RPTN: variants seen among roughly 807,000 people sequenced by gnomAD.
RPTN encodes the protein intermediate filament-associated protein.
A neutral mutation model predicts 3.6 loss-of-function variants in RPTN; 4 were observed. That is an observed-to-expected ratio of 1.12 (90% confidence interval 0.55 to 2.55). The LOEUF is 2.55. RPTN is among the 30% of genes most tolerant of loss of function. The pLI is 0.02. For missense variants in RPTN, 860 were observed against 916.7 expected (o/e 0.94, Z 0.80); for synonymous variants, 293 against 319.3 (o/e 0.92, Z 0.88).
chr1:152,157,665 C>G, intron 2 of RPTN, 87 bp downstream of exon 2: 1 of 1,476,208 alleles, frequency 6.8e-7, no homozygotes, highest in Non-Finnish European at 9.3e-7. Flanking sequence ...CAGAGCAAGC[C>G]CAAATAAAAC....
At chr1:152,157,091 G>C (rs1659221045) in intron 2 of RPTN, 131 bp from the exon 3 acceptor site, 2 of 768,514 alleles carry the variant, frequency 2.6e-6, no homozygotes, top group Admixed American at 5.3e-5. Context: ...TTAATCTGAA[G>C]TGGTGTGGAC....
chr1:152,154,946 C>T lies in RPTN; in HGVS notation c.2153G>A (p.Ser718Asn), dbSNP rs1659161984. ...ACATGGACCTTCCTGACTCTCATGG[C>T]TGTGTCTATCCCAAGTTTGATGGCC... Reference protein sequence around the residue: ...EQGHQTWDRHSHESQEGPCGT... With the variant: ...EQGHQTWDRHNHESQEGPCGT... Residue 718 changes from serine (S) to asparagine (N), a missense_variant, in exon 3 of 3, where the codon AGC becomes AAC. Transcript: ENST00000316073. 2 of 1,614,170 alleles carry T rather than the reference C, an allele frequency of 1.2e-6. No homozygotes were observed. Among genetic ancestry groups the T allele is most frequent in the Non-Finnish European group, 1.7e-6 (2 of 1,180,036 alleles).
rs202214614 is a variant in RPTN at position 152,156,675 on chromosome 1, C to T, written c.424G>A (p.Gly142Arg). The part of the protein sequence containing the change: ...SHHSQPERQD[G>R]DSHHGQPERQ... ...TCAGGCTGACCATGGTGGGAATCTC[C>T]GTCTTGTCTCTCAGGCTGACTGTGG... is the stretch of plus-strand genomic sequence containing the variant. Residue 142 changes from glycine (G) to arginine (R), a missense_variant, in exon 3 of 3, where the codon GGA becomes AGA. Physicochemically the swap from Gly to Arg is moderately radical, Grantham distance 125 (BLOSUM62 -2). Transcript: ENST00000316073. 3.6e-5 allele frequency: 57 copies of T among 1,597,498 alleles called. No individual in the cohort carries two copies. The highest frequency in any genetic ancestry group is 2.2e-4 in the African/African-American group (16 of 73,348).
chr1:152,154,596 T>C lies in RPTN; in HGVS notation c.*148A>G. On this transcript the variant is annotated 3_prime_UTR_variant, in exon 3 of 3. Transcript: ENST00000316073. The stretch of plus-strand genomic sequence containing the variant: ...GAGCCTTGGCTCTGGTCATCCTCTT[T>C]CATGTGGAATTTTTCTCTGTTAGGA... 1.8e-6 allele frequency: 2 copies of C among 1,113,984 alleles called. No individual in the cohort carries two copies. The highest frequency in any genetic ancestry group is 1.3e-6 in the Non-Finnish European group (1 of 769,530). The allele number at this position is 1,113,984 out of a possible 1,614,324, so 69.0% of individuals were successfully genotyped here.
In RPTN at chr1:152,156,721, C is replaced by T. The variant is rs375816369; in HGVS notation, c.378G>A (p.Glu126=). 2.7e-5 allele frequency: 43 copies of T among 1,614,036 alleles called. No homozygotes were observed. The highest frequency in any genetic ancestry group is 3.5e-5 in the Non-Finnish European group (41 of 1,180,036). The stretch of plus-strand genomic sequence containing the variant: ...TGTGGTGGGAGTTCTGCCTTTCTTC[C>T]TCGTGCCTCTGTCTGTGTTGTCTGC... ...NTGRQHRQRH[E]EERQNSHHSQ... is the part of the protein sequence containing the mutation. Residue 126 remains glutamate (E), a synonymous_variant, in exon 3 of 3, where the codon GAG becomes GAA. Coordinates refer to ENST00000316073, the MANE Select transcript of RPTN (RefSeq NM_001122965.1).
At position 152,154,911 on chromosome 1, in the gene RPTN, C is replaced by G. The variant is rs201520409; in HGVS notation, c.2188G>C (p.Asp730His). 1.2e-6 allele frequency: 2 copies of G among 1,613,948 alleles called. No individual in the cohort carries two copies. Among genetic ancestry groups the G allele is most frequent in the Non-Finnish European group, 1.7e-6 (2 of 1,180,038 alleles). Residue 730 changes from aspartate to histidine, a missense_variant, in exon 3 of 3, where the codon GAC becomes CAC. Asp to His is a moderately conservative substitution (Grantham distance 81, BLOSUM62 -1). Coordinates refer to ENST00000316073, the MANE Select transcript of RPTN (RefSeq NM_001122965.1). Reference protein sequence around the residue: ...ESQEGPCGTQDRRTHKDEQNH... With the variant: ...ESQEGPCGTQHRRTHKDEQNH... The stretch of plus-strand genomic sequence containing the variant: ...TGCTCATCTTTATGGGTTCGCCTGT[C>G]CTGTGTCCCACATGGACCTTCCTGA...
chr1:152,156,563 T>A lies in RPTN; in HGVS notation c.536A>T (p.Asp179Val). Reference protein sequence around the residue: ...HHSQPERQDRDSHHNQSERQD... With the variant: ...HHSQPERQDRVSHHNQSERQD... ...TCTCTCAGACTGATTGTGGTGAGAA[T>A]CTCTGTCTTGTCTCTCAGGCTGACT... is the stretch of plus-strand genomic sequence containing the variant. Residue 179 changes from aspartate (D) to valine (V), a missense_variant, in exon 3 of 3, where the codon GAT becomes GTT. Asp to Val is a radical substitution (Grantham distance 152). Transcript: ENST00000316073. The A allele has an allele frequency of 6.2e-7, 1 of 1,613,434 alleles. No homozygotes were observed. The highest frequency in any genetic ancestry group is 8.5e-7 in the Non-Finnish European group (1 of 1,179,686).
At position 152,154,335 on chromosome 1, in the gene RPTN, A is replaced by G. The variant is rs1659146923; in HGVS notation, c.*409T>C. On this transcript the variant is annotated 3_prime_UTR_variant, in exon 3 of 3. Coordinates refer to ENST00000316073, the MANE Select transcript of RPTN (RefSeq NM_001122965.1). ...GATAGAGGGAAGAAATACATTCTCA[A>G]TCTCTTAAATCGAATTAAAGGTGAA... is the stretch of plus-strand genomic sequence containing the variant. The G allele has an allele frequency of 5.0e-6, 1 of 200,552 alleles. No homozygotes were observed. The highest frequency in any genetic ancestry group is 5.3e-5 in the Admixed American group (1 of 19,044). 12.4% of individuals were successfully genotyped at this position (200,552 alleles called of 1,614,324 possible).
intron 2 of RPTN, 24 bp from the exon 3 acceptor site, chr1:152,156,984 C>G (rs189565861): frequency 6.3e-7 from 1 of 1,590,562 alleles, no homozygotes; most frequent in Admixed American, 1.7e-5. Flanking sequence ...AAACAAAGAG[C>G]AAAATCAGAT....
At position 152,157,926 on chromosome 1, in the gene RPTN, G is replaced by T. The variant is rs775627207; in HGVS notation, c.-20-17C>A. 3.1e-6 allele frequency: 5 copies of T among 1,608,878 alleles called. No homozygotes were observed. The highest frequency in any genetic ancestry group is 4.2e-6 in the Non-Finnish European group (5 of 1,176,516). On this transcript the variant is annotated splice_polypyrimidine_tract_variant and intron_variant, in intron 1 of 2. Transcript: ENST00000316073. ...CGGGTGAACCTAAAAGAAGAAACAA[G>T]ATTTCTCCTGCCGTTAGGATAATGA...
Position 152,156,882 on chromosome 1 carries a change from C to A in RPTN, c.217G>T (p.Glu73Ter). 1 of 1,614,180 alleles carries A rather than the reference C, an allele frequency of 6.2e-7. No individual in the cohort carries two copies. ...AACTGGAACACCAACAAGAGGTACT[C>A]ATGAAAATCAATATGTCCATCTCGG... ...QDRDGHIDFH[E>*]YLLLVFQLVQ... Residue 73 changes from glutamate (E) to a stop codon, truncating the protein, a stop_gained, in exon 3 of 3, where the codon GAG becomes TAG. Coordinates refer to ENST00000316073, the MANE Select transcript of RPTN (RefSeq NM_001122965.1). LOFTEE classifies it low-confidence loss of function (END_TRUNC).
Position 152,156,606 on chromosome 1 carries a change from C to T in RPTN, c.493G>A (p.Asp165Asn), listed in dbSNP as rs768741682. 1.9e-6 allele frequency: 2 copies of T among 1,040,662 alleles called. No homozygotes were observed. The highest frequency in any genetic ancestry group is 4.4e-5 in the African/African-American group (2 of 45,774). The allele number at this position is 1,040,662 out of a possible 1,614,324, so 64.5% of individuals were successfully genotyped here. A position where few individuals can be genotyped will look rare whatever the true frequency, so the allele number is the denominator to read the frequency against. ...GGCTGACTGTGGTGGGAATCTCTGT[C>T]TTGTTTCTCAGACTGACCATGGTGG... ...DSHHGQSEKQ[D>N]RDSHHSQPER... The change falls in exon 3 of 3, where the codon GAC becomes AAC. Residue 165 changes from aspartate (D) to asparagine (N), a missense_variant. Asp to Asn is a conservative substitution (Grantham distance 23). Coordinates refer to ENST00000316073, the MANE Select transcript of RPTN (RefSeq NM_001122965.1).
In RPTN at chr1:152,156,437, C is replaced by T; in HGVS notation, c.662G>A (p.Trp221Ter). ...ATTTAAGGCAAAGATATGTCCCTGC[C>T]ATTTAGCCTGGCCACTGGTAGATTT... ...SHKSTSGQAK[W>*]QGHIFALNRC... The change falls in exon 3 of 3, where the codon TGG (tryptophan) becomes TAG (stop). Residue 221 changes from tryptophan to a stop codon, truncating the protein, a stop_gained. Transcript: ENST00000316073. LOFTEE classifies it low-confidence loss of function (END_TRUNC). 1 of 1,614,236 alleles carries T rather than the reference C, an allele frequency of 6.2e-7. No homozygotes were observed. The highest frequency in any genetic ancestry group is 1.1e-5 in the South Asian group (1 of 91,076).
At position 152,153,908 on chromosome 1, in the gene RPTN, C is replaced by G. The variant is rs1659139621; in HGVS notation, c.*836G>C. On this transcript the variant is annotated 3_prime_UTR_variant, in exon 3 of 3. Transcript: ENST00000316073. ...TCTATGTTCTCGGCTCTTGTAGCAGCCTTGAACTGAGTTTCATTCTAGTCT... is the reference window on the plus strand; with the variant it reads ...TCTATGTTCTCGGCTCTTGTAGCAGGCTTGAACTGAGTTTCATTCTAGTCT... 1 of 152,420 alleles carries G rather than the reference C, an allele frequency of 6.6e-6. No individual in the cohort carries two copies. Among genetic ancestry groups the G allele is most frequent in the African/African-American group, 2.4e-5 (1 of 41,402 alleles). The allele number at this position is 152,420 out of a possible 1,614,324, so 9.4% of individuals were successfully genotyped here.
rs778921335 is a variant in RPTN, at chr1:152,155,984, C to T, written c.1115G>A (p.Arg372Lys). Residue 372 changes from arginine (R) to lysine (K), a missense_variant, in exon 3 of 3, where the codon AGA (arginine) becomes AAA (lysine). Coordinates refer to ENST00000316073, the MANE Select transcript of RPTN (RefSeq NM_001122965.1). ...ACCATAGTGGGAACTCTGACCTTGT[C>T]TGTTTGGTTGACTGTAGTGGGAACC... Reference protein sequence around the residue: ...GQGSHYSQPNRQGQSSHYGQP... With the variant: ...GQGSHYSQPNKQGQSSHYGQP... 2.5e-6 allele frequency: 4 copies of T among 1,613,542 alleles called. No homozygotes were observed. In the Admixed American group the frequency reaches 6.7e-5, roughly 27 times the overall value.
Position 152,156,817 on chromosome 1 carries a change from A to T in RPTN, c.282T>A (p.His94Gln). Residue 94 changes from histidine (H) to glutamine (Q), a missense_variant, in exon 3 of 3, where the codon CAT becomes CAA. Transcript: ENST00000316073. ...TTTCTTGCTGTGAGGTCCTGCCTCCATGTGACTTATTGTCTAGCTTATGAT... is the reference window on the plus strand; with the variant it reads ...TTTCTTGCTGTGAGGTCCTGCCTCCTTGTGACTTATTGTCTAGCTTATGAT... ...ACYHKLDNKS[H>Q]GGRTSQQERG... is the part of the protein sequence containing the mutation. The T allele has an allele frequency of 6.2e-7, 1 of 1,614,164 alleles. No individual in the cohort carries two copies. Among genetic ancestry groups the T allele is most frequent in the Non-Finnish European group, 8.5e-7 (1 of 1,180,022 alleles).
rs764266088 is a variant in RPTN, at chr1:152,157,783, A to AGTT, written c.104_106dup (p.Gln35dup). The stretch of plus-strand genomic sequence containing the variant: ...GATGTCTCCAAACTCAGCCAAGAGC[A>AGTT]GTTGTTTCAACTCTTCCTTGCATAG... On this transcript the variant is annotated inframe_insertion, in exon 2 of 3. Transcript: ENST00000316073. 2.5e-6 allele frequency: 4 copies of AGTT among 1,614,006 alleles called. No homozygotes were observed. The South Asian group carries it at 4.4e-5, about 18-fold the overall frequency.
chr1:152,157,840 T>G lies in RPTN; in HGVS notation c.50A>C (p.Lys17Thr). The part of the protein sequence containing the change: ...SILSVIDVFH[K>T]YAKGNGDCAL... Reference sequence around the variant, plus strand: ...ACAGTCCCCATTCCCTTTGGCATATTTGTGGAATACGTCAATCACACTGAG... The same window carrying G: ...ACAGTCCCCATTCCCTTTGGCATATGTGTGGAATACGTCAATCACACTGAG... The change falls in exon 2 of 3, where the codon AAA (lysine) becomes ACA (threonine). Residue 17 changes from lysine to threonine, a missense_variant. Physicochemically the swap from Lys to Thr is moderately conservative, Grantham distance 78. Coordinates refer to ENST00000316073, the MANE Select transcript of RPTN (RefSeq NM_001122965.1). 1 of 1,613,986 alleles carries G rather than the reference T, an allele frequency of 6.2e-7. No individual in the cohort carries two copies. The highest frequency in any genetic ancestry group is 1.1e-5 in the South Asian group (1 of 91,080).
intron 2 of RPTN, among the ~76,000 whole-genome samples, 177 bp downstream of exon 2, chr1:152,157,575 G>A (rs1659230240): frequency 6.6e-6 from 1 of 151,356 alleles, no homozygotes; most frequent in African/African-American, 2.4e-5. Flanking sequence ...GTGTGTGTGT[G>A]TGTGTGTGTG....
Sources: gnomAD v4.1 joint callset for allele counts (sites outside exome capture counted in the v4.1 genomes callset) on GRCh38, gnomAD v4.1.1 for gene constraint, MANE v1.5 for transcripts, NCBI Gene and HGNC (gene_info 2026-07-23, HGNC 2026-07-21) for gene names.